CCDC178: variants seen among roughly 807,000 people sequenced by gnomAD.
CCDC178 encodes coiled-coil domain-containing protein 178.
In CCDC178, 126 loss-of-function variants were observed where a neutral mutation model predicts 117.4. That is an observed-to-expected ratio of 1.07 (90% CI 0.93 to 1.24). The LOEUF is 1.24. Among genes scored for constraint, CCDC178 ranks in the 50% most tolerant of loss-of-function variants. The probability of loss-of-function intolerance (pLI) is 0.00; values close to 1 mark genes in which losing one functional copy is unlikely to be tolerated. For synonymous variants in CCDC178, 283 were observed against 313.4 expected (o/e 0.90, Z 1.02); for missense variants, 1,030 against 986.9 (o/e 1.04, Z -0.59).
intron 20 of CCDC178, among the ~76,000 whole-genome samples, chr18:33,160,733 G>C (rs1371878946): frequency 6.6e-6 from 1 of 152,020 alleles, no homozygotes; most frequent in African/African-American, 2.4e-5. Flanking sequence ...AAGCATCTTG[G>C]TTTAAGTGTT....
chr18:33,107,519 A>C (rs1301447547), intron 20 of CCDC178, among the ~76,000 whole-genome samples: 6 of 151,786 alleles, frequency 4.0e-5, no homozygotes, highest in Non-Finnish European at 8.9e-5. Flanking sequence ...CTAACTTCTA[A>C]AACTCTGAAA....
At chr18:32,954,264 C>T (rs1362605342) in intron 22 of CCDC178, among the ~76,000 whole-genome samples, 5 of 151,908 alleles carry the variant, frequency 3.3e-5, no homozygotes, top group Admixed American at 1.3e-4. Context: ...TTATAGCAAA[C>T]CTATTAAAAC....
chr18:33,238,449 A>G (rs369943559), intron 15 of CCDC178, among the ~76,000 whole-genome samples: 28 of 152,188 alleles, frequency 1.8e-4, no homozygotes, highest in African/African-American at 6.5e-4. Flanking sequence ...AAAGATATAG[A>G]TATTATTAAA....
At chr18:33,406,196 T>A (rs1034919835) in intron 3 of CCDC178, among the ~76,000 whole-genome samples, 2 of 152,070 alleles carry the variant, frequency 1.3e-5, no homozygotes, top group African/African-American at 4.8e-5. Flanking sequence ...AAAATGAAAC[T>A]TTATGAGTCT....
chr18:33,133,163 T>C (rs2058086368), intron 20 of CCDC178, among the ~76,000 whole-genome samples: 1 of 151,864 alleles, frequency 6.6e-6, no homozygotes, highest in South Asian at 2.1e-4. Context: ...AGAGCTCAGA[T>C]ATGATTTCAT....
intron 22 of CCDC178, among the ~76,000 whole-genome samples, chr18:32,956,458 G>T (rs567120243): frequency 6.6e-6 from 1 of 152,044 alleles, no homozygotes; most frequent in Non-Finnish European, 1.5e-5. Context: ...AAAAACATAC[G>T]AAATGAAATC....
chr18:32,981,446 G>A (rs137991813), intron 21 of CCDC178, among the ~76,000 whole-genome samples: 11 of 152,236 alleles, frequency 7.2e-5, no homozygotes, highest in Non-Finnish European at 1.5e-4. Flanking sequence ...GATTTACTAA[G>A]CTGGTAAGGT....
At chr18:33,425,305 A>G (rs371678377) in intron 2 of CCDC178, among the ~76,000 whole-genome samples, 160 of 152,316 alleles carry the variant, frequency 1.1e-3, no homozygotes, top group African/African-American at 3.0e-3. Context: ...AAAAATTTTA[A>G]AAAAACCTGT....
At chr18:33,301,022 C>T (rs2062170245) in intron 11 of CCDC178, among the ~76,000 whole-genome samples, 1 of 152,204 alleles carries the variant, frequency 6.6e-6, no homozygotes, top group African/African-American at 2.4e-5. Flanking sequence ...CAGCTCCTCC[C>T]ATTACAGGAA....
chr18:33,248,902 A>G (rs191822831), intron 14 of CCDC178, among the ~76,000 whole-genome samples: 92 of 152,100 alleles, frequency 6.0e-4, no homozygotes, highest in Non-Finnish European at 1.2e-3. Flanking sequence ...AAGTGTTCCT[A>G]TTTCTCCACA....
intron 20 of CCDC178, among the ~76,000 whole-genome samples, chr18:33,172,123 T>A (rs1479247145): frequency 6.6e-6 from 1 of 152,160 alleles, no homozygotes; most frequent in East Asian, 1.9e-4. Context: ...TTGATCAGGC[T>A]GGTCTCGACG....
chr18:33,098,733 T>C (rs1416085159), intron 20 of CCDC178, among the ~76,000 whole-genome samples: 1 of 152,054 alleles, frequency 6.6e-6, no homozygotes, highest in Non-Finnish European at 1.5e-5. Context: ...ACATCTAGCC[T>C]TTTCTTCATT....
chr18:33,311,880 C>A (rs1385023553), intron 11 of CCDC178, among the ~76,000 whole-genome samples: 1 of 152,130 alleles, frequency 6.6e-6, no homozygotes, highest in Non-Finnish European at 1.5e-5. Context: ...GACTTACCCA[C>A]CAAAATTGCA....
At chr18:33,415,350 A>G (rs561714178) in intron 2 of CCDC178, among the ~76,000 whole-genome samples, 1 of 152,348 alleles carries the variant, frequency 6.6e-6, no homozygotes, top group South Asian at 2.1e-4. Context: ...GCACATATAC[A>G]CTATGGAATA....
intron 21 of CCDC178, among the ~76,000 whole-genome samples, chr18:33,001,245 C>A (rs533929052): frequency 1.3e-5 from 2 of 152,096 alleles, no homozygotes; most frequent in Admixed American, 1.3e-4. Context: ...AGAGGCCAGG[C>A]GCAGTGGCTC....
At chr18:33,418,096 C>A (rs192091193) in intron 2 of CCDC178, among the ~76,000 whole-genome samples, 1 of 152,068 alleles carries the variant, frequency 6.6e-6, no homozygotes, top group Non-Finnish European at 1.5e-5. Flanking sequence ...AAATTCTCAA[C>A]GAAATACTAG....
chr18:32,958,078 T>C (rs1598731752), intron 22 of CCDC178: 3 of 364,784 alleles, frequency 8.2e-6, no homozygotes, highest in East Asian at 7.9e-5. Flanking sequence ...CAAGTCAGTG[T>C]TGGCAAATGA....
In CCDC178 at chr18:33,055,212, T is replaced by C. The variant is rs959562666; in HGVS notation, c.2388+37549A>G. On this transcript the variant is annotated intron_variant, in intron 21 of 22. Transcript: ENST00000383096. ...ACACTGAAACAATTTTCTCTCATTT[T>C]GCAGGTTGTCTGTTCACTCTGATGA... 2.0e-5 allele frequency among the ~76,000 whole-genome samples: 3 copies of C among 152,218 alleles called. No homozygotes were observed. The South Asian group carries it at 6.2e-4, about 32-fold the overall frequency.
At chr18:33,407,445 A>G (rs1367059358) in intron 3 of CCDC178, among the ~76,000 whole-genome samples, 1 of 152,154 alleles carries the variant, frequency 6.6e-6, no homozygotes, top group East Asian at 1.9e-4. Context: ...CCAAATTCAT[A>G]AAATACAAAG....
Sources: allele counts gnomAD v4.1 joint callset (sites outside exome capture counted in the v4.1 genomes callset), GRCh38; gene constraint gnomAD v4.1.1; transcripts MANE v1.5; gene names NCBI Gene and HGNC (gene_info 2026-07-23, HGNC 2026-07-21).